Variants in DNAH11 observed in about 807,000 individuals in gnomAD.
DNAH11 encodes dynein axonemal heavy chain 11, also known as axonemal beta dynein heavy chain 11.
Under a neutral mutation model 526.0 loss-of-function variants are expected in DNAH11, and 442 were observed. That is an observed-to-expected ratio of 0.84 (90% confidence interval 0.78 to 0.91). The LOEUF (loss-of-function observed/expected upper bound fraction) is 0.91, where lower values mean the gene tolerates loss of function less well. Ranked by LOEUF, DNAH11 falls within the 40% of genes least tolerant of loss-of-function variation. DNAH11 has a pLI of 0.00. For missense variants in DNAH11, 6,989 were observed against 5,448.7 expected, an observed-to-expected ratio of 1.28 and a Z score of -8.90; for synonymous variants, 2,461 against 1,935.9, an observed-to-expected ratio of 1.27 and a Z score of -7.12.
At chr7:21,804,035 C>T (rs535408687) in intron 62 of DNAH11, among the ~76,000 whole-genome samples, 6 of 152,276 alleles carry the variant, frequency 3.9e-5, no homozygotes, top group Admixed American at 6.5e-5. Flanking sequence ...CGAGGGGGTA[C>T]GTGTTTCGGG....
At chr7:21,655,800 T>C (rs771062818) in intron 28 of DNAH11, 32 bp from the exon 29 acceptor site, 10 of 1,593,672 alleles carry the variant, frequency 6.3e-6, no homozygotes, top group Non-Finnish European at 8.6e-6. Flanking sequence ...CAGTAAGAAA[T>C]GTTCTTATCT....
intron 68 of DNAH11, among the ~76,000 whole-genome samples, chr7:21,859,418 A>T (rs950726072): frequency 7.9e-5 from 12 of 152,150 alleles, no homozygotes; most frequent in African/African-American, 2.7e-4. Flanking sequence ...CAACCTATAA[A>T]TGCTTTTGTG....
chr7:21,853,231 G>C (rs2128024608), intron 67 of DNAH11, among the ~76,000 whole-genome samples: 1 of 152,316 alleles, frequency 6.6e-6, no homozygotes, highest in East Asian at 1.9e-4. Context: ...TTTCACAGAT[G>C]ACCGTTAACC....
chr7:21,544,916 C>G, intron 1 of DNAH11, 90 bp from the exon 2 acceptor site: 1 of 1,146,506 alleles, frequency 8.7e-7, no homozygotes, highest in Non-Finnish European at 1.2e-6. Context: ...TTTGTTTCTT[C>G]TGCTAGCAAT....
intron 42 of DNAH11, among the ~76,000 whole-genome samples, chr7:21,714,189 C>T (rs888009093): frequency 6.6e-6 from 1 of 152,130 alleles, no homozygotes; most frequent in Non-Finnish European, 1.5e-5. Context: ...TCAAAGGTCA[C>T]GGGTTGGCTA....
chr7:21,782,446 A>G (rs537936976), intron 57 of DNAH11, among the ~76,000 whole-genome samples: 4 of 152,332 alleles, frequency 2.6e-5, no homozygotes, highest in Non-Finnish European at 4.4e-5. Context: ...CCTTAGGGTA[A>G]ACGGTATTGA....
intron 56 of DNAH11, among the ~76,000 whole-genome samples, chr7:21,775,269 G>T (rs984263911): frequency 6.6e-6 from 1 of 152,054 alleles, no homozygotes; most frequent in Non-Finnish European, 1.5e-5. Context: ...TAGTTTCTAG[G>T]AAACCCACAA....
chr7:21,855,843 T>C (rs1411628768), intron 68 of DNAH11, among the ~76,000 whole-genome samples: 1 of 152,142 alleles, frequency 6.6e-6, no homozygotes, highest in African/African-American at 2.4e-5. Flanking sequence ...TATGTACACA[T>C]AGATATAGTT....
intron 25 of DNAH11, among the ~76,000 whole-genome samples, chr7:21,621,082 T>C (rs1395104383): frequency 6.6e-6 from 1 of 152,118 alleles, no homozygotes; most frequent in Non-Finnish European, 1.5e-5. Flanking sequence ...GTATACCCAG[T>C]AATGGGATGG....
intron 54 of DNAH11, among the ~76,000 whole-genome samples, chr7:21,754,487 T>C (rs946955647): frequency 5.3e-5 from 8 of 152,218 alleles, no homozygotes; most frequent in African/African-American, 1.7e-4. Flanking sequence ...TATTGTTGTC[T>C]AATCCTTTTT....
At chr7:21,722,959 A>T (rs975516984) in intron 44 of DNAH11, among the ~76,000 whole-genome samples, 5 of 152,092 alleles carry the variant, frequency 3.3e-5, no homozygotes, top group Admixed American at 2.0e-4. Flanking sequence ...CCAGTTTCCA[A>T]ATGTATCAGC....
intron 2 of DNAH11, among the ~76,000 whole-genome samples, chr7:21,546,689 G>A (rs951182562): frequency 6.6e-6 from 1 of 152,272 alleles, no homozygotes; most frequent in East Asian, 1.9e-4. Context: ...AATGTCATAT[G>A]GTTATTTCTT....
At chr7:21,791,489 A>G (rs1293986920) in intron 61 of DNAH11, among the ~76,000 whole-genome samples, 1 of 152,206 alleles carries the variant, frequency 6.6e-6, no homozygotes, top group Non-Finnish European at 1.5e-5. Context: ...CAGAGTGCAT[A>G]CATTGCAAAG....
At chr7:21,741,151 A>G (rs1378738275) in intron 48 of DNAH11, among the ~76,000 whole-genome samples, 1 of 152,194 alleles carries the variant, frequency 6.6e-6, no homozygotes, top group East Asian at 1.9e-4. Context: ...CTGTTTCTAT[A>G]AATTTTGCCT....
chr7:21,684,966 A>T (rs544658532), intron 32 of DNAH11, among the ~76,000 whole-genome samples: 33 of 152,314 alleles, frequency 2.2e-4, no homozygotes, highest in African/African-American at 7.7e-4. Flanking sequence ...AGTGTAGACA[A>T]TTTCAAATAT....
chr7:21,878,754 C>G (rs1424256286), intron 74 of DNAH11, among the ~76,000 whole-genome samples: 1 of 152,134 alleles, frequency 6.6e-6, no homozygotes, highest in Non-Finnish European at 1.5e-5. Flanking sequence ...GCTCTCTGAT[C>G]CTGACCCACA....
At chr7:21,756,730 C>T (rs1022662387) in intron 54 of DNAH11, among the ~76,000 whole-genome samples, 10 of 152,050 alleles carry the variant, frequency 6.6e-5, no homozygotes, top group East Asian at 3.8e-4. Context: ...TTTTCTTACT[C>T]GTTTTTATTC....
At chr7:21,798,823 A>G (rs1353953272) in intron 61 of DNAH11, among the ~76,000 whole-genome samples, 2 of 152,236 alleles carry the variant, frequency 1.3e-5, no homozygotes, top group Non-Finnish European at 2.9e-5. Context: ...TTAGGTTTGC[A>G]AAAATCTAAA....
At chr7:21,773,186 A>G (rs926809152) in intron 55 of DNAH11, among the ~76,000 whole-genome samples, 5 of 152,188 alleles carry the variant, frequency 3.3e-5, no homozygotes, top group Admixed American at 2.0e-4. Flanking sequence ...CCAGTAACTC[A>G]TTGAAGGAGA....
Sources: gnomAD v4.1 joint callset for allele counts (sites outside exome capture counted in the v4.1 genomes callset) on GRCh38, gnomAD v4.1.1 for gene constraint, MANE v1.5 for transcripts, NCBI Gene and HGNC (gene_info 2026-07-23, HGNC 2026-07-21) for gene names.